UBOX5: variants seen among roughly 807,000 people sequenced by gnomAD.
UBOX5 encodes U-box domain containing 5.
A neutral mutation model predicts 39.0 loss-of-function variants in UBOX5; 28 were observed. The ratio of observed to expected loss-of-function variants is 0.72; its 90% CI spans 0.53 to 0.98. UBOX5 has a LOEUF of 0.98. Among genes scored for constraint, UBOX5 ranks in the 50% least tolerant of loss-of-function variants. UBOX5 has a pLI of 0.00. For missense variants in UBOX5, 585 were observed against 674.4 expected (o/e 0.87, Z 1.47); for synonymous variants, 283 against 275.5 (o/e 1.03, Z -0.27).
intron 1 of UBOX5, among the ~76,000 whole-genome samples, chr20:3,152,459 G>A (rs1302312284): frequency 4.0e-5 from 6 of 150,360 alleles, no homozygotes; most frequent in African/African-American, 9.8e-5. Flanking sequence ...CTGAGATAGC[G>A]CCACTGCACT....
rs1285970947 is a variant in UBOX5, at chr20:3,125,882, C to T, written c.-41-2476G>A. ...GGAGCGCCTCTGCCTGGCCGCCACCCCGTCTGGGAAGTGAGGAGCGCCTCT... is the reference window on the plus strand; with the variant it reads ...GGAGCGCCTCTGCCTGGCCGCCACCTCGTCTGGGAAGTGAGGAGCGCCTCT... On this transcript the variant is annotated intron_variant, in intron 1 of 4. Coordinates refer to ENST00000217173, the MANE Select transcript of UBOX5 (RefSeq NM_014948.4). Among the ~76,000 whole-genome samples, 4 of 140,418 alleles carry T rather than the reference C, an allele frequency of 2.8e-5. No homozygotes were observed. The East Asian group carries it at 7.0e-4, about 25-fold the overall frequency. 92.1% of individuals were successfully genotyped at this position (140,418 alleles called of 152,430 possible).
At chr20:3,142,470 G>C (rs2066525123) in intron 1 of UBOX5, among the ~76,000 whole-genome samples, 1 of 151,940 alleles carries the variant, frequency 6.6e-6, no homozygotes, top group South Asian at 2.1e-4. Context: ...CAGGCGTAGT[G>C]GTGGGTGCCT....
chr20:3,158,333 A>G (rs6084276), intron 1 of UBOX5, among the ~76,000 whole-genome samples: 7,795 of 152,232 alleles, frequency 0.051, 308 homozygotes, highest in Non-Finnish European at 0.076. Flanking sequence ...CTTATTAGGG[A>G]CTAAAAAAAT....
chr20:3,117,859 G>A (rs191994881), intron 3 of UBOX5, among the ~76,000 whole-genome samples: 3 of 152,120 alleles, frequency 2.0e-5, no homozygotes, highest in Non-Finnish European at 4.4e-5. Context: ...AGGCATGGTG[G>A]CGAGCGCCTG....
intron 1 of UBOX5, among the ~76,000 whole-genome samples, chr20:3,140,915 GAT>G (rs1568478515): frequency 1.8e-4 from 25 of 135,878 alleles, no homozygotes; most frequent in African/African-American, 6.1e-4. Context: ...AGGGTTGCCA[GAT>G]TTTTTTTTTT....
chr20:3,120,420 G>A (rs1173014879), intron 3 of UBOX5, among the ~76,000 whole-genome samples: 1 of 148,764 alleles, frequency 6.7e-6, no homozygotes, highest in African/African-American at 2.5e-5. Context: ...AGGCCAAGGT[G>A]GGTGGATCAC....
At chr20:3,137,724 G>A (rs2066483824) in intron 1 of UBOX5, among the ~76,000 whole-genome samples, 1 of 152,192 alleles carries the variant, frequency 6.6e-6, no homozygotes, top group African/African-American at 2.4e-5. Flanking sequence ...GCAAAGTTGG[G>A]TAATCACAAC....
intron 1 of UBOX5, among the ~76,000 whole-genome samples, chr20:3,157,216 G>A (rs2066694858): frequency 6.6e-6 from 1 of 152,234 alleles, no homozygotes; most frequent in Admixed American, 6.5e-5. Context: ...GACCTTAGCT[G>A]TTAATGTGGA....
chr20:3,141,821 T>C (rs2066519302), intron 1 of UBOX5, among the ~76,000 whole-genome samples: 1 of 152,012 alleles, frequency 6.6e-6, no homozygotes. Context: ...AAGACCAGCC[T>C]TGGCAACATA....
intron 3 of UBOX5, among the ~76,000 whole-genome samples, chr20:3,120,399 G>A (rs879763656): frequency 2.0e-5 from 3 of 147,138 alleles, no homozygotes; most frequent in East Asian, 4.0e-4. Flanking sequence ...CTGTAATCCC[G>A]GCACTTTGGG....
intron 1 of UBOX5, chr20:3,136,169 C>A (rs1462897175): frequency 6.6e-6 from 1 of 151,934 alleles, no homozygotes; most frequent in Non-Finnish European, 1.5e-5. Context: ...GTACTAACTA[C>A]TTAGGAATAA....
In UBOX5 at chr20:3,145,998, A is replaced by G. The variant is rs535805581; in HGVS notation, c.-42+13768T>C. ...GAGGCAGAGCTTGCAGTGAGCCAAGATCGCGCCATTGCTCTCCAACCTGGG... is the reference window on the plus strand; with the variant it reads ...GAGGCAGAGCTTGCAGTGAGCCAAGGTCGCGCCATTGCTCTCCAACCTGGG... On this transcript the variant is annotated intron_variant, in intron 1 of 4. Coordinates refer to ENST00000217173, the MANE Select transcript of UBOX5 (RefSeq NM_014948.4). 9.3e-5 allele frequency among the ~76,000 whole-genome samples: 14 copies of G among 151,082 alleles called. No individual in the cohort carries two copies. The South Asian group carries it at 2.9e-3, about 32-fold the overall frequency.
intron 1 of UBOX5, among the ~76,000 whole-genome samples, chr20:3,145,905 G>C (rs1392705376): frequency 6.6e-6 from 1 of 152,094 alleles, no homozygotes; most frequent in African/African-American, 2.4e-5. Context: ...AATTAGCTGG[G>C]CGTGGTGGTG....
chr20:3,149,171 G>T lies in UBOX5; in HGVS notation c.-42+10595C>A. The T allele has an allele frequency of 7.4e-7, 1 of 1,347,552 alleles. No individual in the cohort carries two copies. Among genetic ancestry groups the T allele is most frequent in the Non-Finnish European group, 1.0e-6 (1 of 992,124 alleles). The allele number at this position is 1,347,552 out of a possible 1,614,324, so 83.5% of individuals were successfully genotyped here. A position where few individuals can be genotyped will look rare whatever the true frequency, so the allele number is the denominator to read the frequency against. On this transcript the variant is annotated intron_variant, in intron 1 of 4. Transcript: ENST00000217173. This position sits in a 1 kb window ranked among gnomAD's most constrained non-coding sequence, Gnocchi z 4.1. ...ATGGTGCTTGATTAGAGCTGGACGGGGAGGTGTTCCACAAAAACTGCCTGG... is the reference window on the plus strand; with the variant it reads ...ATGGTGCTTGATTAGAGCTGGACGGTGAGGTGTTCCACAAAAACTGCCTGG...
chr20:3,133,329 C>T (rs2066444288), intron 1 of UBOX5, among the ~76,000 whole-genome samples: 1 of 152,208 alleles, frequency 6.6e-6, no homozygotes, highest in Admixed American at 6.5e-5. Context: ...AAGACGGCCT[C>T]CCTAGTCCTG....
chr20:3,144,012 T>C (rs2066539969), intron 1 of UBOX5, among the ~76,000 whole-genome samples: 1 of 152,052 alleles, frequency 6.6e-6, no homozygotes, highest in African/African-American at 2.4e-5. Flanking sequence ...CTGAAAACTA[T>C]AAAACATTCC....
rs1433696223 is a variant in UBOX5, at chr20:3,149,142, T to G, written c.-42+10624A>C. ...CAGATTTGACCAGGCAATTTCTTGT[T>G]TATATGGTGCTTGATTAGAGCTGGA... On this transcript the variant is annotated intron_variant, in intron 1 of 4. Transcript: ENST00000217173. The surrounding 1 kb of genome is among the most constrained non-coding windows in gnomAD (Gnocchi z 4.1). The G allele has an allele frequency of 5.3e-6, 8 of 1,507,348 alleles. No individual in the cohort carries two copies. The East Asian group carries it at 1.8e-4, about 34-fold the overall frequency. 93.4% of individuals were successfully genotyped at this position (1,507,348 alleles called of 1,614,324 possible).
intron 1 of UBOX5, among the ~76,000 whole-genome samples, chr20:3,138,486 C>T (rs984694459): frequency 1.3e-5 from 2 of 151,980 alleles, no homozygotes; most frequent in African/African-American, 4.8e-5. Flanking sequence ...AGGATAACAG[C>T]GGAGAAGACT....
At chr20:3,130,717 T>C (rs1323767623) in intron 1 of UBOX5, among the ~76,000 whole-genome samples, 6 of 152,136 alleles carry the variant, frequency 3.9e-5, no homozygotes, top group Non-Finnish European at 7.4e-5. Context: ...TTTGGTATCT[T>C]TACTATATGT....
Sources: gnomAD v4.1 joint callset for allele counts (sites outside exome capture counted in the v4.1 genomes callset) on GRCh38, gnomAD v4.1.1 for gene constraint, Gnocchi (gnomAD v3.1) non-coding constraint, MANE v1.5 for transcripts, NCBI Gene and HGNC (gene_info 2026-07-23, HGNC 2026-07-21) for gene names.